RAB10: variants seen among roughly 807,000 people sequenced by gnomAD.
RAB10 encodes ras-related protein Rab-10.
RAB10 carries 5 observed loss-of-function variants against 25.7 expected under a neutral mutation model. That is an observed-to-expected ratio of 0.19 (90% CI 0.10 to 0.41). The LOEUF (loss-of-function observed/expected upper bound fraction) is 0.41, where lower values mean the gene tolerates loss of function less well. Among genes scored for constraint, RAB10 ranks in the 10% least tolerant of loss-of-function variants. The pLI, the probability that RAB10 is intolerant of heterozygous loss-of-function variation, is 1.00. For missense variants in RAB10, 103 were observed against 245.8 expected, an observed-to-expected ratio of 0.42 and a Z score of 3.89; for synonymous variants, 89 against 86.4, an observed-to-expected ratio of 1.03 and a Z score of -0.16.
intron 1 of RAB10, among the ~76,000 whole-genome samples, chr2:26,045,528 C>T (rs554164573): frequency 1.1e-4 from 16 of 151,908 alleles, no homozygotes; most frequent in African/African-American, 2.7e-4. Context: ...CGTGAGCCAC[C>T]GCGCCCGGCC....
At chr2:26,033,961 G>A (rs1043258998), upstream of RAB10, 8 of 397,046 alleles carry the variant, frequency 2.0e-5, no homozygotes, top group Admixed American at 4.4e-5. Flanking sequence ...TCAGACTGAG[G>A]CTTGGAGACA....
chr2:26,059,885 G>GTAC (rs761682913), intron 1 of RAB10, among the ~76,000 whole-genome samples: 1 of 152,168 alleles, frequency 6.6e-6, no homozygotes, highest in Non-Finnish European at 1.5e-5. Flanking sequence ...ATTGTTAGTG[G>GTAC]TAAGTTTTAA....
At chr2:26,052,066 AAAAC>A (rs1445814648) in intron 1 of RAB10, among the ~76,000 whole-genome samples, 1 of 151,604 alleles carries the variant, frequency 6.6e-6, no homozygotes, top group African/African-American at 2.4e-5. Flanking sequence ...CAAAAAAAAA[AAAAC>A]AAAAAGTCAT....
intron 1 of RAB10, among the ~76,000 whole-genome samples, chr2:26,087,321 A>G (rs999203028): frequency 6.6e-6 from 1 of 152,222 alleles, no homozygotes; most frequent in Non-Finnish European, 1.5e-5. Context: ...GTGAGACAGT[A>G]TATGTGAAAT....
chr2:26,116,193 A>T (rs1667684391), intron 3 of RAB10, among the ~76,000 whole-genome samples: 1 of 152,002 alleles, frequency 6.6e-6, no homozygotes, highest in Non-Finnish European at 1.5e-5. Context: ...TAATTAAAAA[A>T]TATTTTTGAG....
chr2:26,058,565 G>A (rs955923995), intron 1 of RAB10, among the ~76,000 whole-genome samples: 7 of 151,932 alleles, frequency 4.6e-5, no homozygotes, highest in African/African-American at 9.7e-5. Context: ...ACTGTGCCCC[G>A]GCTAAATCTG....
intron 1 of RAB10, among the ~76,000 whole-genome samples, chr2:26,038,915 ACT>A (rs1325613956): frequency 2.2e-5 from 2 of 89,020 alleles, no homozygotes; most frequent in Non-Finnish European, 4.7e-5. Flanking sequence ...ACAGAGCGAG[ACT>A]CTGTCTCAAA....
chr2:26,084,874 C>G (rs1404247496), intron 1 of RAB10, among the ~76,000 whole-genome samples: 1 of 152,076 alleles, frequency 6.6e-6, no homozygotes, highest in Admixed American at 6.6e-5. Context: ...CTACCTCAAA[C>G]CTAACTTTTC....
intron 1 of RAB10, among the ~76,000 whole-genome samples, chr2:26,082,514 T>G (rs1283002881): frequency 6.6e-6 from 1 of 152,104 alleles, no homozygotes; most frequent in Non-Finnish European, 1.5e-5. Flanking sequence ...ACTGACAGAA[T>G]TGGAAGGAGA....
At chr2:26,132,563 T>A (rs1451969719) in intron 5 of RAB10, among the ~76,000 whole-genome samples, 4 of 152,208 alleles carry the variant, frequency 2.6e-5, no homozygotes, top group African/African-American at 4.8e-5. Flanking sequence ...TGAAAACATA[T>A]GTTTAAGAAT....
chr2:26,043,026 C>T (rs1424450623), intron 1 of RAB10, among the ~76,000 whole-genome samples: 1 of 151,984 alleles, frequency 6.6e-6, no homozygotes, highest in Non-Finnish European at 1.5e-5. Flanking sequence ...TGAAATGGTG[C>T]AGCCACAGTG....
At position 26,034,182 on chromosome 2, in the gene RAB10, G is replaced by A. The variant is rs1430957147; in HGVS notation, c.-427G>A. On this transcript the variant is annotated 5_prime_UTR_variant, in exon 1 of 6. Transcript: ENST00000264710. The stretch of plus-strand genomic sequence containing the variant: ...CTGGGGCTATGTAACTGAGCTCGTC[G>A]ACTTAGGGGTCCTTCTTCGCTGCCC... 2.4e-6 allele frequency: 1 copy of A among 416,642 alleles called. No individual in the cohort carries two copies. Among genetic ancestry groups the A allele is most frequent in the East Asian group, 3.4e-5 (1 of 29,234 alleles). The allele number at this position is 416,642 out of a possible 1,614,324, so 25.8% of individuals were successfully genotyped here. A position where few individuals can be genotyped will look rare whatever the true frequency, so the allele number is the denominator to read the frequency against.
At chr2:26,130,835 T>G (rs1232045704) in intron 5 of RAB10, among the ~76,000 whole-genome samples, 1 of 152,188 alleles carries the variant, frequency 6.6e-6, no homozygotes, top group Non-Finnish European at 1.5e-5. Flanking sequence ...TTTCAGACAT[T>G]AATGGGTCAG....
chr2:26,041,037 C>CTT (rs888112921), intron 1 of RAB10, among the ~76,000 whole-genome samples: 1 of 145,046 alleles, frequency 6.9e-6, no homozygotes. Context: ...AAATCTTTGT[C>CTT]TTTTTTTTTT....
chr2:26,073,603 T>C (rs1431714002), intron 1 of RAB10, among the ~76,000 whole-genome samples: 1 of 152,198 alleles, frequency 6.6e-6, no homozygotes, highest in African/African-American at 2.4e-5. Flanking sequence ...GAAATGTAGT[T>C]TGTAGGCTTT....
chr2:26,073,733 A>G (rs1666675660), intron 1 of RAB10, among the ~76,000 whole-genome samples: 2 of 152,208 alleles, frequency 1.3e-5, no homozygotes, highest in Admixed American at 1.3e-4. Context: ...TTACCTTCCA[A>G]TTCCTAGTCT....
intron 2 of RAB10, among the ~76,000 whole-genome samples, chr2:26,109,192 G>T (rs906687803): frequency 2.6e-5 from 4 of 152,092 alleles, no homozygotes; most frequent in African/African-American, 9.7e-5. Flanking sequence ...TTACAAGTGT[G>T]AGCCACTGCG....
intron 1 of RAB10, among the ~76,000 whole-genome samples, chr2:26,060,142 C>T (rs1003935387): frequency 6.6e-6 from 1 of 152,024 alleles, no homozygotes; most frequent in Non-Finnish European, 1.5e-5. Context: ...TTTGTGAATT[C>T]GTGTGAATGC....
chr2:26,079,303 A>G (rs1666809748), intron 1 of RAB10, among the ~76,000 whole-genome samples: 1 of 140,270 alleles, frequency 7.1e-6, no homozygotes, highest in Admixed American at 7.5e-5. Context: ...GGAGCTAGCA[A>G]GTTTGAAACA....
Sources: allele counts gnomAD v4.1 joint callset (sites outside exome capture counted in the v4.1 genomes callset), GRCh38; gene constraint gnomAD v4.1.1; transcripts MANE v1.5; gene names NCBI Gene and HGNC (gene_info 2026-07-23, HGNC 2026-07-21).